PRDM2: variants seen among roughly 807,000 people sequenced by gnomAD.
The protein encoded by PRDM2 is PR/SET domain 2, also known as PR domain zinc finger protein 2.
In PRDM2, 30 loss-of-function variants were observed where a neutral mutation model predicts 130.0. That is an observed-to-expected ratio of 0.23 (90% CI 0.17 to 0.31). The LOEUF (loss-of-function observed/expected upper bound fraction) is 0.31, where lower values mean the gene tolerates loss of function less well. PRDM2 is among the 10% of genes least tolerant of loss of function. The pLI is 1.00. For missense variants in PRDM2, 2,011 were observed against 2,108.4 expected (o/e 0.95, Z 0.90); for synonymous variants, 871 against 782.4 (o/e 1.11, Z -1.89).
At chr1:13,763,849 A>G (rs902847072) in intron 6 of PRDM2, among the ~76,000 whole-genome samples, 3 of 152,172 alleles carry the variant, frequency 2.0e-5, no homozygotes, top group African/African-American at 7.2e-5. Flanking sequence ...CAAAATCTGA[A>G]TGTATATCCT....
At chr1:13,727,355 A>G (rs1331296684) in intron 2 of PRDM2, among the ~76,000 whole-genome samples, 1 of 152,140 alleles carries the variant, frequency 6.6e-6, no homozygotes, top group Non-Finnish European at 1.5e-5. Flanking sequence ...TCCGGGCTCA[A>G]GCAATTCTCT....
At chr1:13,751,407 A>G (rs900818268) in intron 6 of PRDM2, among the ~76,000 whole-genome samples, 3 of 152,110 alleles carry the variant, frequency 2.0e-5, no homozygotes, top group African/African-American at 4.8e-5. Flanking sequence ...AAAGAGACCT[A>G]TTTGCTCTTT....
chr1:13,766,333 G>A (rs745700311), intron 6 of PRDM2, among the ~76,000 whole-genome samples: 3 of 152,228 alleles, frequency 2.0e-5, no homozygotes, highest in Non-Finnish European at 4.4e-5. Context: ...CTAGATAGTA[G>A]TGTCTTAAGG....
intron 6 of PRDM2, among the ~76,000 whole-genome samples, chr1:13,759,499 T>C (rs1644045027): frequency 6.6e-6 from 1 of 152,212 alleles, no homozygotes; most frequent in South Asian, 2.1e-4. Context: ...CATTTTTGTC[T>C]TTCATGTTTG....
chr1:13,779,961 T>C lies in PRDM2; in HGVS notation c.2166T>C (p.Pro722=). 6.2e-7 allele frequency: 1 copy of C among 1,614,254 alleles called. No homozygotes were observed. Among genetic ancestry groups the C allele is most frequent in the Non-Finnish European group, 8.5e-7 (1 of 1,180,042 alleles). ...AKLGPVCVSA[P]ASMLPVTSSR... ...TAGGTCCTGTTTGTGTGTCTGCTCC[T>C]GCATCAATGTTGCCTGTGACCTCAA... The change falls in exon 8 of 10, where the codon CCT becomes CCC. Residue 722 remains proline, a synonymous_variant. Coordinates refer to ENST00000311066, the MANE Select transcript of PRDM2 (RefSeq NM_001393986.1). This position sits in a 1 kb window ranked among gnomAD's most constrained non-coding sequence, Gnocchi z 4.9.
At chr1:13,714,031 G>C (rs1392516338) in intron 1 of PRDM2, among the ~76,000 whole-genome samples, 2 of 152,292 alleles carry the variant, frequency 1.3e-5, no homozygotes, top group East Asian at 3.9e-4. Flanking sequence ...ACCACACCCA[G>C]CTAATTTTTT....
At chr1:13,745,309 G>A (rs912922013) in intron 5 of PRDM2, among the ~76,000 whole-genome samples, 5 of 152,124 alleles carry the variant, frequency 3.3e-5, no homozygotes, top group African/African-American at 1.2e-4. Flanking sequence ...GAGGACAGAC[G>A]TTCGAACCCC....
At chr1:13,764,147 C>T (rs1294827836) in intron 6 of PRDM2, among the ~76,000 whole-genome samples, 2 of 152,122 alleles carry the variant, frequency 1.3e-5, no homozygotes, top group African/African-American at 4.8e-5. Context: ...AAGCAATTCT[C>T]GAGGGCGTGG....
At chr1:13,736,110 TTTTC>T (rs1643263387) in intron 4 of PRDM2, among the ~76,000 whole-genome samples, 2 of 151,088 alleles carry the variant, frequency 1.3e-5, no homozygotes, top group Non-Finnish European at 3.0e-5. Context: ...TGTTTGTTTC[TTTTC>T]TTTTTTTTTT....
chr1:13,805,548 C>A (rs1181399617), intron 8 of PRDM2, among the ~76,000 whole-genome samples: 1 of 152,108 alleles, frequency 6.6e-6, no homozygotes, highest in Admixed American at 6.5e-5. Flanking sequence ...CACCTGTGGG[C>A]CCTCACCCAG....
At position 13,781,823 on chromosome 1, in the gene PRDM2, A is replaced by G; in HGVS notation, c.4028A>G (p.Asp1343Gly). 6.2e-7 allele frequency: 1 copy of G among 1,614,226 alleles called. No individual in the cohort carries two copies. The highest frequency in any genetic ancestry group is 8.5e-7 in the Non-Finnish European group (1 of 1,180,042). ...TGCACAAAGTGTGGAAAAGGTGTCG[A>G]CAATATGCCGGAGTTGCACAAACAT... Reference protein sequence around the residue: ...IRCTKCGKGVDNMPELHKHIL... With the variant: ...IRCTKCGKGVGNMPELHKHIL... Residue 1343 changes from aspartate (D) to glycine (G), a missense_variant, in exon 8 of 10, where the codon GAC (aspartate) becomes GGC (glycine). Coordinates refer to ENST00000311066, the MANE Select transcript of PRDM2 (RefSeq NM_001393986.1). This position sits in a 1 kb window ranked among gnomAD's most constrained non-coding sequence, Gnocchi z 6.1.
At position 13,779,778 on chromosome 1, in the gene PRDM2, C is replaced by T. The variant is rs747022363; in HGVS notation, c.1983C>T (p.Pro661=). The T allele has an allele frequency of 1.2e-6, 2 of 1,614,240 alleles. No homozygotes were observed. Among genetic ancestry groups the T allele is most frequent in the East Asian group, 2.2e-5 (1 of 44,884 alleles). Residue 661 remains proline (P), a synonymous_variant, in exon 8 of 10, where the codon CCC becomes CCT. Transcript: ENST00000311066. The surrounding 1 kb of genome is among the most constrained non-coding windows in gnomAD (Gnocchi z 4.9). ...KAETDSDPMV[P]SCSLSLPLSI... ...AAACAGACTCTGACCCCATGGTCCC[C>T]TCTTGCTCTTTAAGTCTTCCTCTTA...
chr1:13,787,389 T>A (rs1644763999), intron 8 of PRDM2: 2 of 984,198 alleles, frequency 2.0e-6, no homozygotes, highest in South Asian at 9.4e-5. Context: ...TATATTAATA[T>A]CATTTATCCT....
chr1:13,729,096 T>G (rs1383599150), intron 2 of PRDM2, among the ~76,000 whole-genome samples: 1 of 152,228 alleles, frequency 6.6e-6, no homozygotes, highest in African/African-American at 2.4e-5. Flanking sequence ...TCTAATTCCC[T>G]GCTCTGTGTG....
intron 8 of PRDM2, among the ~76,000 whole-genome samples, chr1:13,811,286 G>C (rs990915141): frequency 1.3e-5 from 2 of 152,190 alleles, no homozygotes. Context: ...AGGTTAAGGG[G>C]CCTCTGGATA....
rs61775131 is a variant in PRDM2, at chr1:13,802,923, C to T, written c.5037-13504C>T. On this transcript the variant is annotated intron_variant, in intron 8 of 9. Transcript: ENST00000311066. ...CTAGAACCAGGTGGCTGCAGGGGAG[C>T]GTGTGATGGGAGGTGTGAAGGCAGA... 5.1e-3 allele frequency among the ~76,000 whole-genome samples: 780 copies of T among 152,230 alleles called. 4 individuals are homozygous for T. Among genetic ancestry groups the T allele is most frequent in the Middle Eastern group, 0.014 (4 of 294 alleles).
chr1:13,742,346 C>T (rs559675008), intron 5 of PRDM2, among the ~76,000 whole-genome samples, 189 bp downstream of exon 5: 1 of 152,240 alleles, frequency 6.6e-6, no homozygotes, highest in South Asian at 2.1e-4. Context: ...GGACTATGGG[C>T]ACATGCCACC....
intron 1 of PRDM2, among the ~76,000 whole-genome samples, chr1:13,706,835 T>C (rs1026152280): frequency 1.3e-5 from 2 of 152,166 alleles, no homozygotes; most frequent in Non-Finnish European, 2.9e-5. Flanking sequence ...TCTTAAACTG[T>C]AGAATAGTGT....
rs372366436 is a variant in PRDM2, at chr1:13,810,415, C to A, written c.5037-6012C>A. Among the ~76,000 whole-genome samples, 7 of 152,288 alleles carry A rather than the reference C, an allele frequency of 4.6e-5. No individual in the cohort carries two copies. The East Asian group carries it at 1.3e-3, about 29-fold the overall frequency. On this transcript the variant is annotated intron_variant, in intron 8 of 9. Coordinates refer to ENST00000311066, the MANE Select transcript of PRDM2 (RefSeq NM_001393986.1). ...TTCTGATTGGCTGTGGACTTGTAAG[C>A]CATCGGCCGTATTCGTTTGAATTGT... is the stretch of plus-strand genomic sequence containing the variant.
Sources: gnomAD v4.1 joint callset for allele counts (sites outside exome capture counted in the v4.1 genomes callset) on GRCh38, gnomAD v4.1.1 for gene constraint, Gnocchi (gnomAD v3.1) non-coding constraint, MANE v1.5 for transcripts, NCBI Gene and HGNC (gene_info 2026-07-23, HGNC 2026-07-21) for gene names.